Variants in MCTP1 observed in about 807,000 individuals in gnomAD.
The protein encoded by MCTP1 is multiple C2 and transmembrane domain-containing protein 1.
MCTP1 carries 69 observed loss-of-function variants against 120.6 expected under a neutral mutation model. The ratio of observed to expected loss-of-function variants is 0.57; its 90% CI spans 0.47 to 0.70. The LOEUF is 0.70. MCTP1 is among the 30% of genes least tolerant of loss of function. MCTP1 has a pLI of 0.00. For synonymous variants in MCTP1, 529 were observed against 493.1 expected (o/e 1.07, Z -0.96); for missense variants, 1,203 against 1,248.8 (o/e 0.96, Z 0.55).
intron 1 of MCTP1, among the ~76,000 whole-genome samples, chr5:95,065,770 A>G (rs1750498646): frequency 6.6e-6 from 1 of 152,200 alleles, no homozygotes; most frequent in Non-Finnish European, 1.5e-5. Flanking sequence ...TACAAAATAC[A>G]TGTTTCAATA....
chr5:94,948,375 G>A (rs1449174772), intron 3 of MCTP1, among the ~76,000 whole-genome samples: 1 of 152,048 alleles, frequency 6.6e-6, no homozygotes, highest in African/African-American at 2.4e-5. Context: ...TCATTTTCCC[G>A]AGACTCAATA....
intron 7 of MCTP1, among the ~76,000 whole-genome samples, chr5:94,922,149 T>A (rs568138072): frequency 6.6e-6 from 1 of 152,316 alleles, no homozygotes; most frequent in South Asian, 2.1e-4. Flanking sequence ...GACATTACCA[T>A]CACACCGTGG....
chr5:95,269,412 G>A lies in MCTP1; in HGVS notation c.720+14444C>T, dbSNP rs554503674. Among the ~76,000 whole-genome samples, 4 of 152,304 alleles carry A rather than the reference G, an allele frequency of 2.6e-5. No individual in the cohort carries two copies. In the East Asian group the frequency reaches 7.7e-4, roughly 29 times the overall value. ...GAGGAGTTTAACAACATGATTTGAA[G>A]TCATGATACATGTATAGAACTCACA... On this transcript the variant is annotated intron_variant, in intron 1 of 22. Transcript: ENST00000515393.
At chr5:94,819,597 A>G (rs1561689432) in intron 17 of MCTP1, among the ~76,000 whole-genome samples, 2 of 152,186 alleles carry the variant, frequency 1.3e-5, no homozygotes, top group South Asian at 2.1e-4. Flanking sequence ...ATCTATGTCA[A>G]TTCTAAGGGT....
chr5:94,859,063 CTA>C (rs1373289879), intron 17 of MCTP1, among the ~76,000 whole-genome samples: 1 of 151,620 alleles, frequency 6.6e-6, no homozygotes, highest in Non-Finnish European at 1.5e-5. Context: ...GGTTTGGAGT[CTA>C]TATGTTAAAC....
At chr5:94,905,925 G>C (rs1361377569) in intron 10 of MCTP1, among the ~76,000 whole-genome samples, 1 of 151,990 alleles carries the variant, frequency 6.6e-6, no homozygotes, top group South Asian at 2.1e-4. Flanking sequence ...GAGGGGATGA[G>C]GAAAAACCTG....
At chr5:94,909,616 G>A (rs975331197) in intron 9 of MCTP1, among the ~76,000 whole-genome samples, 2 of 151,998 alleles carry the variant, frequency 1.3e-5, no homozygotes, top group African/African-American at 4.8e-5. Flanking sequence ...GACATTCTTT[G>A]ATTATTTTAA....
At chr5:95,214,159 A>G (rs1752753172) in intron 1 of MCTP1, among the ~76,000 whole-genome samples, 1 of 152,290 alleles carries the variant, frequency 6.6e-6, no homozygotes, top group Non-Finnish European at 1.5e-5. Flanking sequence ...AACTCAAACA[A>G]ATTTACAAGA....
intron 18 of MCTP1, among the ~76,000 whole-genome samples, chr5:94,789,796 C>T (rs1561640423): frequency 1.3e-5 from 2 of 152,162 alleles, no homozygotes; most frequent in South Asian, 2.1e-4. Flanking sequence ...AGGCGTGTGT[C>T]TTCATCATCT....
intron 1 of MCTP1, among the ~76,000 whole-genome samples, chr5:95,040,715 G>C (rs2151892095): frequency 6.6e-6 from 1 of 152,238 alleles, no homozygotes; most frequent in East Asian, 1.9e-4. Context: ...GTGGAAAACA[G>C]CACAAAGATC....
At chr5:94,872,347 C>G (rs1037167820) in intron 13 of MCTP1, among the ~76,000 whole-genome samples, 1 of 151,980 alleles carries the variant, frequency 6.6e-6, no homozygotes, top group African/African-American at 2.4e-5. Context: ...GCTTTTATCT[C>G]TTATAAAAAT....
intron 19 of MCTP1, among the ~76,000 whole-genome samples, chr5:94,767,639 A>T (rs940112873): frequency 6.6e-6 from 1 of 152,204 alleles, no homozygotes; most frequent in Non-Finnish European, 1.5e-5. Flanking sequence ...TAAAATAGAA[A>T]TCAAGACAGC....
At chr5:95,155,654 C>T (rs1321117956) in intron 1 of MCTP1, among the ~76,000 whole-genome samples, 1 of 151,946 alleles carries the variant, frequency 6.6e-6, no homozygotes, top group Non-Finnish European at 1.5e-5. Flanking sequence ...AACCTATACA[C>T]AAGATGGCTA....
intron 19 of MCTP1, among the ~76,000 whole-genome samples, chr5:94,765,708 G>GAAAAAAAAAAAAAAAAAAAAAAA: frequency 9.2e-6 from 1 of 109,116 alleles, no homozygotes; most frequent in Non-Finnish European, 1.9e-5. Context: ...TCTCAAAAAA[G>GAAAAAAAAAAAAAAAAAAAAAAA]AAAAAAAAAA....
chr5:94,925,359 G>C (rs908972883), intron 6 of MCTP1, among the ~76,000 whole-genome samples: 1 of 152,046 alleles, frequency 6.6e-6, no homozygotes, highest in South Asian at 2.1e-4. Flanking sequence ...ATTTAGTTAC[G>C]CTTCAGTCTT....
chr5:95,142,617 C>A (rs1760028861), intron 1 of MCTP1, among the ~76,000 whole-genome samples: 1 of 152,036 alleles, frequency 6.6e-6, no homozygotes, highest in South Asian at 2.1e-4. Flanking sequence ...TCATGAAAAG[C>A]TAACCTTTAA....
At chr5:95,049,118 G>C (rs568537776) in intron 1 of MCTP1, among the ~76,000 whole-genome samples, 1 of 152,140 alleles carries the variant, frequency 6.6e-6, no homozygotes, top group East Asian at 1.9e-4. Context: ...TTATGCTTCT[G>C]AATTCCCCAG....
At chr5:94,743,822 G>A (rs1355842755) in intron 19 of MCTP1, among the ~76,000 whole-genome samples, 3 of 151,192 alleles carry the variant, frequency 2.0e-5, no homozygotes, top group Non-Finnish European at 4.4e-5. Context: ...TATATTTTTA[G>A]TAGAGACGGG....
chr5:94,819,041 C>A (rs2153094046), intron 17 of MCTP1, among the ~76,000 whole-genome samples: 1 of 151,984 alleles, frequency 6.6e-6, no homozygotes, highest in Non-Finnish European at 1.5e-5. Flanking sequence ...TGGTTGGTTT[C>A]TTTACCCAGT....
Sources: gnomAD v4.1 joint callset for allele counts (sites outside exome capture counted in the v4.1 genomes callset) on GRCh38, gnomAD v4.1.1 for gene constraint, MANE v1.5 for transcripts, NCBI Gene and HGNC (gene_info 2026-07-23, HGNC 2026-07-21) for gene names.